SPIRE1: variants seen among roughly 807,000 people sequenced by gnomAD.
The protein encoded by SPIRE1 is protein spire homolog 1.
In SPIRE1, 40 loss-of-function variants were observed where a neutral mutation model predicts 94.1. The observed-to-expected ratio is 0.43, with a 90% CI of 0.33 to 0.55. The LOEUF (loss-of-function observed/expected upper bound fraction) is 0.55, where lower values mean the gene tolerates loss of function less well. SPIRE1 is among the 20% of genes least tolerant of loss of function. The pLI is 0.06. For synonymous variants in SPIRE1, 376 were observed against 371.7 expected, an observed-to-expected ratio of 1.01 and a Z score of -0.13; for missense variants, 838 against 975.2, an observed-to-expected ratio of 0.86 and a Z score of 1.87.
chr18:12,450,879 C>T (rs556949647), intron 16 of SPIRE1: 17 of 720,480 alleles, frequency 2.4e-5, no homozygotes, highest in South Asian at 1.4e-4. Context: ...ACCACTAAGG[C>T]GGCAAAGCTG....
At chr18:12,556,706 G>A (rs1194866497) in intron 2 of SPIRE1, among the ~76,000 whole-genome samples, 2 of 152,140 alleles carry the variant, frequency 1.3e-5, no homozygotes, top group African/African-American at 4.8e-5. Flanking sequence ...CCCTCCCGCT[G>A]GGTTCATGGT....
At chr18:12,510,357 A>C (rs954542741) in intron 5 of SPIRE1, among the ~76,000 whole-genome samples, 1 of 152,154 alleles carries the variant, frequency 6.6e-6, no homozygotes, top group Non-Finnish European at 1.5e-5. Flanking sequence ...TATGCATTTT[A>C]AATATGTGCA....
chr18:12,486,056 C>A, intron 8 of SPIRE1, 56 bp from the exon 9 acceptor site: 7 of 1,346,792 alleles, frequency 5.2e-6, no homozygotes, highest in Admixed American at 5.2e-5. Flanking sequence ...TAGGAATATA[C>A]AGAGAGGACA....
intron 2 of SPIRE1, among the ~76,000 whole-genome samples, chr18:12,551,187 A>T (rs2035336995): frequency 6.6e-6 from 1 of 152,284 alleles, no homozygotes; most frequent in South Asian, 2.1e-4. Context: ...TGTAAGGCCC[A>T]TAATGCTTTG....
At chr18:12,525,276 CAAAAAA>C (rs1170791088) in intron 4 of SPIRE1, among the ~76,000 whole-genome samples, 6 of 71,500 alleles carry the variant, frequency 8.4e-5, no homozygotes, top group African/African-American at 2.8e-4. Context: ...GACTCCGTCT[CAAAAAA>C]AAAAAAAAAA....
intron 13 of SPIRE1, 76 bp downstream of exon 13, chr18:12,454,270 T>G: frequency 6.4e-7 from 1 of 1,552,664 alleles, no homozygotes; most frequent in Non-Finnish European, 8.8e-7. Context: ...GGCTAGCAGA[T>G]AACTCTCCCA....
chr18:12,615,345 A>ATAAAAAATAAAAAAAAAAAT (rs1555632289), intron 2 of SPIRE1, among the ~76,000 whole-genome samples: 2 of 17,244 alleles, frequency 1.2e-4, no homozygotes, highest in Non-Finnish European at 3.7e-4. Context: ...AAAAAAAAAA[A>ATAAAAAATAAAAAAAAAAAT]ATATATATAT....
At chr18:12,553,946 G>A (rs1321963306) in intron 2 of SPIRE1, among the ~76,000 whole-genome samples, 1 of 151,980 alleles carries the variant, frequency 6.6e-6, no homozygotes, top group Non-Finnish European at 1.5e-5. Flanking sequence ...CCTTTAGCCA[G>A]ACTATGAAAA....
chr18:12,542,584 T>C (rs1413201638), intron 3 of SPIRE1, among the ~76,000 whole-genome samples: 2 of 152,140 alleles, frequency 1.3e-5, no homozygotes, highest in African/African-American at 4.8e-5. Flanking sequence ...CCCTTCCCTA[T>C]TGGCCTGATA....
intron 3 of SPIRE1, among the ~76,000 whole-genome samples, chr18:12,537,981 T>C (rs2034891415): frequency 6.6e-6 from 1 of 152,090 alleles, no homozygotes; most frequent in African/African-American, 2.4e-5. Flanking sequence ...AGCCTTTCTT[T>C]AAGAAATAGA....
chr18:12,469,839 A>G (rs1391553355), intron 10 of SPIRE1, among the ~76,000 whole-genome samples: 1 of 150,290 alleles, frequency 6.7e-6, no homozygotes, highest in African/African-American at 2.4e-5. Flanking sequence ...TTGGAGTACT[A>G]GATTTTGGCA....
At chr18:12,463,979 G>A (rs1339623110) in intron 11 of SPIRE1, among the ~76,000 whole-genome samples, 2 of 152,114 alleles carry the variant, frequency 1.3e-5, no homozygotes, top group Non-Finnish European at 2.9e-5. Flanking sequence ...GTGTCTGAAC[G>A]GTTCTGGATT....
intron 9 of SPIRE1, among the ~76,000 whole-genome samples, chr18:12,483,370 G>C (rs934516462): frequency 2.0e-5 from 3 of 152,012 alleles, no homozygotes; most frequent in Non-Finnish European, 1.5e-5. Context: ...GATAGGCTTT[G>C]TATTTCTTGT....
chr18:12,538,595 C>A (rs80003049), intron 3 of SPIRE1, among the ~76,000 whole-genome samples: 1 of 152,116 alleles, frequency 6.6e-6, no homozygotes, highest in Non-Finnish European at 1.5e-5. Context: ...TCCAGGCCAG[C>A]CCTTTATGTT....
chr18:12,528,702 T>C (rs1469036230), intron 4 of SPIRE1, among the ~76,000 whole-genome samples: 1 of 151,946 alleles, frequency 6.6e-6, no homozygotes, highest in East Asian at 1.9e-4. Flanking sequence ...CATTAGAGGG[T>C]TTGTCATGGT....
intron 2 of SPIRE1, among the ~76,000 whole-genome samples, chr18:12,600,914 G>T (rs1304289404): frequency 6.6e-6 from 1 of 151,990 alleles, no homozygotes; most frequent in Non-Finnish European, 1.5e-5. Flanking sequence ...TAGAGATGAG[G>T]TCTCACTATA....
chr18:12,556,526 G>A (rs149246255), intron 2 of SPIRE1, among the ~76,000 whole-genome samples: 21 of 152,288 alleles, frequency 1.4e-4, no homozygotes, highest in Admixed American at 4.6e-4. Context: ...TGGTGTGTCC[G>A]GAGTTTGTGC....
At chr18:12,579,238 A>G (rs1000896639) in intron 2 of SPIRE1, among the ~76,000 whole-genome samples, 1 of 146,540 alleles carries the variant, frequency 6.8e-6, no homozygotes, top group African/African-American at 2.5e-5. Context: ...CACACAAAAT[A>G]CTGACTAGTA....
At chr18:12,574,689 A>G (rs1839888094) in intron 2 of SPIRE1, among the ~76,000 whole-genome samples, 1 of 152,240 alleles carries the variant, frequency 6.6e-6, no homozygotes, top group Non-Finnish European at 1.5e-5. Flanking sequence ...TACTGAAGTC[A>G]GAGTGTATGA....
Sources: allele counts gnomAD v4.1 joint callset (sites outside exome capture counted in the v4.1 genomes callset), GRCh38; gene constraint gnomAD v4.1.1; transcripts MANE v1.5; gene names NCBI Gene and HGNC (gene_info 2026-07-23, HGNC 2026-07-21).